FCHO2: variants seen among roughly 807,000 people sequenced by gnomAD.
FCHO2 encodes FCH and mu domain containing endocytic adaptor 2.
A neutral mutation model predicts 114.1 loss-of-function variants in FCHO2; 43 were observed. That is an observed-to-expected ratio of 0.38 (90% CI 0.30 to 0.49). FCHO2 has a LOEUF of 0.49. Ranked by LOEUF, FCHO2 falls within the 20% of genes least tolerant of loss-of-function variation. The pLI, the probability that FCHO2 is intolerant of heterozygous loss-of-function variation, is 0.97. For missense variants in FCHO2, 807 were observed against 950.4 expected, an observed-to-expected ratio of 0.85 and a Z score of 1.98; for synonymous variants, 293 against 315.2, an observed-to-expected ratio of 0.93 and a Z score of 0.75.
intron 24 of FCHO2, among the ~76,000 whole-genome samples, chr5:73,083,777 A>G (rs1396747752): frequency 6.6e-6 from 1 of 151,850 alleles, no homozygotes; most frequent in Non-Finnish European, 1.5e-5. Context: ...CTGTAATTCC[A>G]GCTATTCAGG....
At chr5:73,056,894 A>G (rs555524680) in intron 16 of FCHO2, among the ~76,000 whole-genome samples, 175 of 152,122 alleles carry the variant, frequency 1.2e-3, no homozygotes, top group African/African-American at 4.0e-3. Flanking sequence ...TGTTAAGCCA[A>G]TGTTTCATGG....
intron 2 of FCHO2, among the ~76,000 whole-genome samples, chr5:72,987,166 G>A (rs759358606): frequency 1.3e-5 from 2 of 151,864 alleles, no homozygotes; most frequent in Non-Finnish European, 2.9e-5. Flanking sequence ...GTGAGCCACC[G>A]TGCCCGGCCT....
rs1756793635 is a variant in FCHO2 at position 73,041,293 on chromosome 5, A to G, written c.917A>G (p.Glu306Gly). Residue 306 changes from glutamate (E) to glycine (G), a missense_variant and splice_region_variant, in exon 11 of 26, where the codon GAA becomes GGA. By Grantham distance (98) the Glu-to-Gly change is moderately conservative. Transcript: ENST00000430046. ...IKKEKDAESV[E>G]CPDADSLNIP... The stretch of plus-strand genomic sequence containing the variant: ...TTTCTGATATTTTGTTTTAATAGGG[A>G]ATGTCCTGATGCAGATTCATTGGTA... 1 of 1,481,154 alleles carries G rather than the reference A, an allele frequency of 6.8e-7. No homozygotes were observed. Among genetic ancestry groups the G allele is most frequent in the Non-Finnish European group, 9.4e-7 (1 of 1,066,090 alleles). The allele number at this position is 1,481,154 out of a possible 1,614,324, so 91.8% of individuals were successfully genotyped here. A position where few individuals can be genotyped will look rare whatever the true frequency, so the allele number is the denominator to read the frequency against.
At chr5:73,023,075 T>G (rs1755715593) in intron 8 of FCHO2, among the ~76,000 whole-genome samples, 1 of 152,162 alleles carries the variant, frequency 6.6e-6, no homozygotes, top group South Asian at 2.1e-4. Context: ...TCAGCATAGG[T>G]CACATGCCCA....
intron 5 of FCHO2, chr5:72,997,398 T>C (rs920974347): frequency 6.2e-6 from 10 of 1,600,408 alleles, no homozygotes; most frequent in African/African-American, 1.3e-5. Context: ...CACTGCACTT[T>C]GGAGTTGGGC....
At chr5:72,992,659 A>G (rs916628214) in intron 5 of FCHO2, among the ~76,000 whole-genome samples, 1 of 152,180 alleles carries the variant, frequency 6.6e-6, no homozygotes, top group Non-Finnish European at 1.5e-5. Context: ...AAAGTTGGGG[A>G]TTTAGGGACA....
chr5:73,083,558 T>G (rs1026902148), intron 24 of FCHO2, among the ~76,000 whole-genome samples: 3 of 151,864 alleles, frequency 2.0e-5, no homozygotes, highest in Admixed American at 6.6e-5. Context: ...GGGATTCTCC[T>G]GACCTCCCAG....
chr5:72,976,092 C>G (rs1240205227), intron 2 of FCHO2, among the ~76,000 whole-genome samples: 1 of 152,162 alleles, frequency 6.6e-6, no homozygotes, highest in Non-Finnish European at 1.5e-5. Context: ...TTTTAACTAG[C>G]AATGAATTAG....
Position 72,968,564 on chromosome 5 carries a change from G to T in FCHO2, c.100G>T (p.Glu34Ter). The change falls in exon 2 of 26, where the codon GAA becomes TAA. Residue 34 changes from glutamate to a stop codon, truncating the protein, a stop_gained. Coordinates refer to ENST00000430046, the MANE Select transcript of FCHO2 (RefSeq NM_138782.3). LOFTEE classifies it high-confidence loss of function. The part of the protein sequence containing the change: ...NMKHGQISTK[E>*]LADFVRERAT... ...GAAACATGGACAGATATCAACAAAAGAACTAGCAGATTTTGTAAGGGAACG... is the reference window on the plus strand; with the variant it reads ...GAAACATGGACAGATATCAACAAAATAACTAGCAGATTTTGTAAGGGAACG... The T allele has an allele frequency of 6.5e-7, 1 of 1,533,734 alleles. No homozygotes were observed. Among genetic ancestry groups the T allele is most frequent in the Non-Finnish European group, 8.7e-7 (1 of 1,148,560 alleles).
chr5:73,060,426 A>G (rs1329417578), intron 17 of FCHO2, among the ~76,000 whole-genome samples: 2 of 152,122 alleles, frequency 1.3e-5, no homozygotes, highest in African/African-American at 2.4e-5. Flanking sequence ...ATTAATTCAT[A>G]ATTGCGATTC....
Position 72,968,588 on chromosome 5 carries a change from C to T in FCHO2, c.124C>T (p.Arg42Ter). The T allele has an allele frequency of 2.0e-6, 3 of 1,509,584 alleles. No individual in the cohort carries two copies. Among genetic ancestry groups the T allele is most frequent in the Non-Finnish European group, 1.8e-6 (2 of 1,136,568 alleles). 93.5% of individuals were successfully genotyped at this position (1,509,584 alleles called of 1,614,324 possible). The change falls in exon 2 of 26, where the codon CGA becomes TGA. Residue 42 changes from arginine (R) to a stop codon, truncating the protein, a stop_gained and splice_region_variant. Coordinates refer to ENST00000430046, the MANE Select transcript of FCHO2 (RefSeq NM_138782.3). LOFTEE classifies it high-confidence loss of function. ...AGAACTAGCAGATTTTGTAAGGGAA[C>T]GGTATGTATTTTTTAAATAAGTAAT... Reference protein sequence around the residue: ...TKELADFVRERATIEEAYSRS... With the variant: ...TKELADFVRE
intron 5 of FCHO2, among the ~76,000 whole-genome samples, chr5:73,000,427 C>T (rs1449830960): frequency 3.5e-5 from 5 of 141,374 alleles, no homozygotes; most frequent in African/African-American, 8.0e-5. Context: ...ACAAAGATCA[C>T]GCCACTGCAT....
Position 72,987,447 on chromosome 5 carries a change from C to T in FCHO2, c.126-1980C>T, listed in dbSNP as rs569637224. ...CCGCCTCCCGGATTCAAGCGATTCT[C>T]CTGCCTCAGCCTTCCAAGTAGCTGG... is the stretch of plus-strand genomic sequence containing the variant. On this transcript the variant is annotated intron_variant, in intron 2 of 25. Coordinates refer to ENST00000430046, the MANE Select transcript of FCHO2 (RefSeq NM_138782.3). Among the ~76,000 whole-genome samples the T allele has an allele frequency of 2.6e-5, 4 of 152,184 alleles. No homozygotes were observed. In the South Asian group the frequency reaches 8.3e-4, roughly 32 times the overall value.
intron 8 of FCHO2, among the ~76,000 whole-genome samples, chr5:73,033,163 G>A (rs1414505280): frequency 6.6e-6 from 1 of 151,896 alleles, no homozygotes; most frequent in African/African-American, 2.4e-5. Context: ...ATTTTTAATT[G>A]GGTCATTTTC....
chr5:72,986,614 C>T (rs1753535477), intron 2 of FCHO2, among the ~76,000 whole-genome samples: 1 of 152,136 alleles, frequency 6.6e-6, no homozygotes, highest in Non-Finnish European at 1.5e-5. Context: ...TCTAAATTTT[C>T]CTCAGTGAGA....
At chr5:72,967,743 C>T (rs1206753401) in intron 1 of FCHO2, among the ~76,000 whole-genome samples, 2 of 152,120 alleles carry the variant, frequency 1.3e-5, no homozygotes, top group Non-Finnish European at 2.9e-5. Context: ...TTTCACCCTC[C>T]CAAGTAGCTG....
intron 16 of FCHO2, among the ~76,000 whole-genome samples, chr5:73,056,308 A>G (rs1010355848): frequency 6.6e-6 from 1 of 152,130 alleles, no homozygotes; most frequent in African/African-American, 2.4e-5. Flanking sequence ...TTGACACATC[A>G]TAATCACCTA....
chr5:73,049,141 G>C (rs898838256), intron 11 of FCHO2, among the ~76,000 whole-genome samples: 36 of 152,030 alleles, frequency 2.4e-4, no homozygotes, highest in African/African-American at 8.7e-4. Flanking sequence ...CTCCCAAAGT[G>C]CTGGGATTAC....
chr5:72,956,225 C>T (rs1361715521), intron 1 of FCHO2, 96 bp downstream of exon 1: 14 of 1,476,674 alleles, frequency 9.5e-6, no homozygotes, highest in South Asian at 2.5e-5. Context: ...GCGGCGGCCC[C>T]TCCGGCAGGG....
Sources: gnomAD v4.1 joint callset for allele counts (sites outside exome capture counted in the v4.1 genomes callset) on GRCh38, gnomAD v4.1.1 for gene constraint, MANE v1.5 for transcripts, NCBI Gene and HGNC (gene_info 2026-07-23, HGNC 2026-07-21) for gene names.